SATL1: variants seen among roughly 807,000 people sequenced by gnomAD.
SATL1 encodes the protein spermidine/spermine N(1)-acetyltransferase-like protein 1.
Under a neutral mutation model 51.8 loss-of-function variants are expected in SATL1, and 47 were observed. That is an observed-to-expected ratio of 0.91 (90% CI 0.72 to 1.16). The LOEUF is 1.16. Among genes scored for constraint, SATL1 ranks in the 50% most tolerant of loss-of-function variants. SATL1 has a pLI of 0.00. For synonymous variants in SATL1, 176 were observed against 182.4 expected, an observed-to-expected ratio of 0.97 and a Z score of 0.28; for missense variants, 520 against 526.4, an observed-to-expected ratio of 0.99 and a Z score of 0.12.
intron 2 of SATL1, among the ~76,000 whole-genome samples, chrX:85,131,271 T>C (rs1379572372): frequency 9.0e-6 from 1 of 111,439 alleles, no homozygotes; most frequent in African/African-American, 3.3e-5. Context: ...ACTATTATTG[T>C]ATGGGGGTCT....
chrX:85,162,323 G>A (rs1168405292), intron 2 of SATL1, among the ~76,000 whole-genome samples: 1 of 110,918 alleles, frequency 9.0e-6, no homozygotes, highest in Non-Finnish European at 1.9e-5. Flanking sequence ...ATGAACTGAA[G>A]GAGACTGAGA....
chrX:85,213,739 C>A (rs1927977293), intron 2 of SATL1, among the ~76,000 whole-genome samples: 1 of 111,251 alleles, frequency 9.0e-6, no homozygotes, highest in African/African-American at 3.3e-5. Context: ...ACAGGTTTTT[C>A]TAATGTACTT....
chrX:85,111,364 CA>C (rs1925254125), intron 2 of SATL1, among the ~76,000 whole-genome samples: 2 of 112,027 alleles, frequency 1.8e-5, no homozygotes, highest in African/African-American at 6.5e-5. Context: ...ACGGAACATA[CA>C]AAAAATACAT....
At chrX:85,207,118 A>T (rs1477074807) in intron 2 of SATL1, 1 of 111,543 alleles carries the variant, frequency 9.0e-6, no homozygotes, top group African/African-American at 3.3e-5. Context: ...AAAAATAATT[A>T]ATTAGGGAAT....
At position 85,092,475 on chromosome X, in the gene SATL1, C is replaced by G; in HGVS notation, c.2004G>C (p.Gly668=). ...QASINYYTSR[G]ALDLSSEEGW... is the part of the protein sequence containing the mutation. ...CCTCCTCAGAGGAAAGGTCTAAAGC[C>G]CCTCGACTAGTATAGTAGTTGATAG... is the stretch of plus-strand genomic sequence containing the variant. The change falls in exon 8 of 8, where the codon GGG becomes GGC. Residue 668 remains glycine, a synonymous_variant. Coordinates refer to ENST00000644105, the MANE Select transcript of SATL1 (RefSeq NM_001367857.2). The G allele has an allele frequency of 3.3e-6, 4 of 1,207,677 alleles. No individual in the cohort carries two copies. The highest frequency in any genetic ancestry group is 4.5e-6 in the Non-Finnish European group (4 of 893,414).
At chrX:85,226,016 T>C (rs1487977780) in intron 1 of SATL1, among the ~76,000 whole-genome samples, 2 of 110,782 alleles carry the variant, frequency 1.8e-5, no homozygotes, top group Non-Finnish European at 3.8e-5. Context: ...TTACTAGAAT[T>C]ATATAATTAT....
chrX:85,224,099 A>G (rs1246234972), intron 2 of SATL1, 106 bp downstream of exon 2: 2 of 111,859 alleles, frequency 1.8e-5, no homozygotes, highest in African/African-American at 6.5e-5. Flanking sequence ...TACATAAAAC[A>G]GCAGCTATTT....
intron 2 of SATL1, among the ~76,000 whole-genome samples, chrX:85,113,270 C>G (rs1925302497): frequency 9.1e-6 from 1 of 109,859 alleles, no homozygotes; most frequent in African/African-American, 3.3e-5. Flanking sequence ...CAAGAGGAGA[C>G]AAATCAGGTT....
intron 2 of SATL1, among the ~76,000 whole-genome samples, chrX:85,166,030 G>A (rs1355411708): frequency 9.0e-6 from 1 of 111,434 alleles, no homozygotes; most frequent in Non-Finnish European, 1.9e-5. Flanking sequence ...GTGGGGAAAG[G>A]ACACCCTATG....
Position 85,107,356 on chromosome X carries a change from T to G in SATL1, c.1613A>C (p.Asp538Ala). 8.3e-7 allele frequency: 1 copy of G among 1,211,864 alleles called. No homozygotes were observed. Among genetic ancestry groups the G allele is most frequent in the South Asian group, 1.8e-5 (1 of 57,013 alleles). The change falls in exon 3 of 8, where the codon GAC becomes GCC. Residue 538 changes from aspartate to alanine, a missense_variant. Asp to Ala is a moderately radical substitution (Grantham distance 126, BLOSUM62 -2). Around this residue, in one of 3 missense-constraint regions of SATL1, gnomAD observed 488 missense variants for 474.3 expected, o/e 1.03. Transcript: ENST00000644105. ...AATCAGTCGCAAAATTTCTGGGCAGTCTCCAGCCTCTGCATGTCTTATTTG... is the reference window on the plus strand; with the variant it reads ...AATCAGTCGCAAAATTTCTGGGCAGGCTCCAGCCTCTGCATGTCTTATTTG... The part of the protein sequence containing the change: ...YFQIRHAEAG[D>A]CPEILRLIKE...
At chrX:85,095,592 C>T (rs1226313485) in intron 4 of SATL1, among the ~76,000 whole-genome samples, 4 of 55,455 alleles carry the variant, frequency 7.2e-5, no homozygotes, top group South Asian at 3.4e-3. Flanking sequence ...TTTGGGAGGC[C>T]GAGGCGGGCG....
chrX:85,235,627 T>G (rs1233644284), intron 1 of SATL1, among the ~76,000 whole-genome samples: 1 of 110,787 alleles, frequency 9.0e-6, no homozygotes, highest in Non-Finnish European at 1.9e-5. Context: ...ACTGAAAAAT[T>G]TATTGAAACA....
intron 1 of SATL1, among the ~76,000 whole-genome samples, chrX:85,239,838 A>C (rs1928551242): frequency 9.0e-6 from 1 of 111,487 alleles, no homozygotes; most frequent in African/African-American, 3.3e-5. Flanking sequence ...CACCTTATAT[A>C]AAGACCAACT....
intron 2 of SATL1, among the ~76,000 whole-genome samples, chrX:85,124,867 T>C (rs778330565): frequency 9.1e-6 from 1 of 109,893 alleles, no homozygotes; most frequent in African/African-American, 3.3e-5. Flanking sequence ...GTGGATGGAG[T>C]CTTGACTGCA....
At chrX:85,174,332 T>G (rs1412600882) in intron 2 of SATL1, among the ~76,000 whole-genome samples, 1 of 109,448 alleles carries the variant, frequency 9.1e-6, no homozygotes, top group Non-Finnish European at 1.9e-5. Context: ...AAACTTTTTT[T>G]TTTTTTTGAG....
chrX:85,179,761 AT>A (rs1927160488), intron 2 of SATL1, among the ~76,000 whole-genome samples: 1 of 110,365 alleles, frequency 9.1e-6, no homozygotes, highest in Non-Finnish European at 1.9e-5. Flanking sequence ...TACTACCTCT[AT>A]TTTTACAAAC....
At position 85,243,647 on chromosome X, in the gene SATL1, T is replaced by A. The variant is rs771519260; in HGVS notation, c.-494A>T. 9.0e-6 allele frequency: 1 copy of A among 111,306 alleles called. No homozygotes were observed. Among genetic ancestry groups the A allele is most frequent in the African/African-American group, 3.3e-5 (1 of 30,609 alleles). 9.2% of individuals were successfully genotyped at this position (111,306 alleles called of 1,213,427 possible). ...CCTCGAGGGTAGGGCCGATACATTT[T>A]TTTTTTAACGTCGTCCAACATCTAT... On this transcript the variant is annotated 5_prime_UTR_variant, in exon 1 of 8. It introduces an in-frame stop codon into an upstream open reading frame of the 5' UTR. Transcript: ENST00000644105.
At chrX:85,233,006 G>A (rs949255566) in intron 1 of SATL1, among the ~76,000 whole-genome samples, 1 of 112,248 alleles carries the variant, frequency 8.9e-6, no homozygotes, top group Non-Finnish European at 1.9e-5. Flanking sequence ...TTAACCTATT[G>A]GCTTTAGGTT....
chrX:85,182,150 T>C (rs1214849169), intron 2 of SATL1, among the ~76,000 whole-genome samples: 1 of 111,431 alleles, frequency 9.0e-6, no homozygotes, highest in Admixed American at 9.5e-5. Context: ...TTGTTAACTA[T>C]AGTCATCCTA....
Sources: gnomAD v4.1 joint callset for allele counts (sites outside exome capture counted in the v4.1 genomes callset) on GRCh38, gnomAD v4.1.1 for gene constraint, gnomAD v4.1.1 regional missense constraint, MANE v1.5 for transcripts, NCBI Gene and HGNC (gene_info 2026-07-23, HGNC 2026-07-21) for gene names.